The following DYNC2I1 variants were observed in gnomAD, a reference collection of about 807,000 sequenced individuals.
DYNC2I1 encodes dynein 2 intermediate chain 1.
DYNC2I1 carries 89 observed loss-of-function variants against 133.4 expected under a neutral mutation model. The ratio of observed to expected loss-of-function variants is 0.67; its 90% CI spans 0.56 to 0.80. DYNC2I1 has a LOEUF of 0.80. Ranked by LOEUF, DYNC2I1 falls within the 30% of genes least tolerant of loss-of-function variation. DYNC2I1 has a pLI of 0.00. For synonymous variants in DYNC2I1, 504 were observed against 484.3 expected (o/e 1.04, Z -0.54); for missense variants, 1,291 against 1,314.5 (o/e 0.98, Z 0.28).
chr7:158,928,138 C>T (rs944539760), intron 20 of DYNC2I1, among the ~76,000 whole-genome samples: 1 of 152,148 alleles, frequency 6.6e-6, no homozygotes, highest in African/African-American at 2.4e-5. Context: ...TGACTTGAAG[C>T]AAAGCTAATA....
rs77744628 is a variant in DYNC2I1, at chr7:158,873,405, G to A, written c.490+1843G>A. Among the ~76,000 whole-genome samples, 934 of 152,264 alleles carry A rather than the reference G, an allele frequency of 6.1e-3. 60 individuals are homozygous for A. In the East Asian group the frequency reaches 0.13, roughly 21 times the overall value. On this transcript the variant is annotated intron_variant, in intron 3 of 24. Coordinates refer to ENST00000407559, the MANE Select transcript of DYNC2I1 (RefSeq NM_018051.5). ...ACCATTAGATGTCTCTTATAGACACGGTGATCTGTTTATCCCCTTCACTGC... is the reference window on the plus strand; with the variant it reads ...ACCATTAGATGTCTCTTATAGACACAGTGATCTGTTTATCCCCTTCACTGC...
chr7:158,866,399 G>A (rs556156969), intron 1 of DYNC2I1, among the ~76,000 whole-genome samples: 5 of 151,328 alleles, frequency 3.3e-5, no homozygotes, highest in Admixed American at 6.6e-5. Flanking sequence ...TGGTGCCCAC[G>A]TTTCCTGGTT....
chr7:158,930,651 T>C (rs1174407334), intron 21 of DYNC2I1, 136 bp downstream of exon 21: 2 of 723,710 alleles, frequency 2.8e-6, no homozygotes, highest in Non-Finnish European at 4.5e-6. Flanking sequence ...TTTTACTGTT[T>C]TGTTAGTCTA....
chr7:158,939,890 T>C (rs1851161601), intron 23 of DYNC2I1, among the ~76,000 whole-genome samples: 1 of 152,152 alleles, frequency 6.6e-6, no homozygotes, highest in Admixed American at 6.5e-5. Flanking sequence ...TATATAATGA[T>C]AATGGGTGAA....
intron 20 of DYNC2I1, among the ~76,000 whole-genome samples, chr7:158,927,557 A>ATT (rs35518012): frequency 1.4e-5 from 2 of 147,690 alleles, no homozygotes. Flanking sequence ...TTCTGAATGA[A>ATT]TTTTTTTTTT....
At chr7:158,883,687 G>T (rs1233709136) in intron 5 of DYNC2I1, among the ~76,000 whole-genome samples, 1 of 123,882 alleles carries the variant, frequency 8.1e-6, no homozygotes, top group Non-Finnish European at 1.6e-5. Context: ...TTTTTGAGAC[G>T]GAGTCTTGCT....
chr7:158,911,943 C>G (rs932697215), intron 12 of DYNC2I1, among the ~76,000 whole-genome samples: 4 of 152,196 alleles, frequency 2.6e-5, no homozygotes, highest in Admixed American at 6.5e-5. Context: ...GGCTGCTGTC[C>G]TGACCTTGGA....
chr7:158,884,084 G>A (rs1394911795), intron 5 of DYNC2I1, among the ~76,000 whole-genome samples: 9 of 141,780 alleles, frequency 6.3e-5, no homozygotes, highest in East Asian at 4.1e-4. Context: ...TCGCTCTGTC[G>A]CCCAGGCTGG....
intron 14 of DYNC2I1, among the ~76,000 whole-genome samples, chr7:158,918,422 T>G (rs1455707227): frequency 6.6e-6 from 1 of 152,116 alleles, no homozygotes; most frequent in African/African-American, 2.4e-5. Context: ...TCATGACTGC[T>G]CTTTACACTG....
intron 11 of DYNC2I1, among the ~76,000 whole-genome samples, chr7:158,907,126 C>G (rs1846903212): frequency 6.6e-6 from 1 of 151,530 alleles, no homozygotes; most frequent in African/African-American, 2.4e-5. Context: ...CCACTGCACT[C>G]CAGCCTGGGT....
rs564151504 is a variant in DYNC2I1 at position 158,926,876 on chromosome 7, A to G, written c.2434-116A>G. The stretch of plus-strand genomic sequence containing the variant: ...GCTAAAGATCAGTCTCTTTTTCTGG[A>G]GCAGTTATGTTTTAGTACCTAAATA... On this transcript the variant is annotated intron_variant, in intron 19 of 24. Transcript: ENST00000407559. 43 of 717,606 alleles carry G rather than the reference A, an allele frequency of 6.0e-5. No individual in the cohort carries two copies. The African/African-American group carries it at 7.0e-4, about 12-fold the overall frequency. The allele number at this position is 717,606 out of a possible 1,614,324, so 44.5% of individuals were successfully genotyped here.
intron 8 of DYNC2I1, among the ~76,000 whole-genome samples, chr7:158,900,958 G>A (rs539602155): frequency 6.6e-6 from 1 of 151,980 alleles, no homozygotes; most frequent in African/African-American, 2.4e-5. Flanking sequence ...CTGCTTGCCT[G>A]CTATCAACTT....
chr7:158,868,461 A>G (rs1842602594), intron 1 of DYNC2I1, among the ~76,000 whole-genome samples: 1 of 152,250 alleles, frequency 6.6e-6, no homozygotes, highest in Non-Finnish European at 1.5e-5. Context: ...CCAACGAGGA[A>G]CAAACACTTT....
chr7:158,902,454 G>T lies in DYNC2I1; in HGVS notation c.1216G>T (p.Glu406Ter), dbSNP rs757925990. The T allele has an allele frequency of 3.3e-5, 53 of 1,613,922 alleles. No individual in the cohort carries two copies. In the African/African-American group the frequency reaches 6.8e-4, roughly 21 times the overall value. Residue 406 changes from glutamate (E) to a stop codon, truncating the protein, a stop_gained, in exon 10 of 25, where the codon GAA becomes TAA. Coordinates refer to ENST00000407559, the MANE Select transcript of DYNC2I1 (RefSeq NM_018051.5). LOFTEE classifies it high-confidence loss of function. ...TGAACCTGAGTCAAGAGAAAAACTG[G>T]AAGAACTTCCTCTAGCTCAAAAAAA... ...SNEPESREKL[E>*]ELPLAQKKEI...
chr7:158,842,138 C>T, the DYNC2I1 span, among the ~76,000 whole-genome samples: 1 of 152,224 alleles, frequency 6.6e-6, no homozygotes, highest in South Asian at 2.1e-4. Flanking sequence ...AAGCGATTCT[C>T]CTGCCTCAGC....
intron 14 of DYNC2I1, 60 bp from the exon 15 acceptor site, chr7:158,918,680 T>C: frequency 6.3e-7 from 1 of 1,587,400 alleles, no homozygotes; most frequent in Non-Finnish European, 8.6e-7. Flanking sequence ...GTAATTTTTT[T>C]TTGGAAAAGA....
Position 158,894,132 on chromosome 7 carries a change from A to ACCGCATATCC in DYNC2I1, c.1059+2799_1059+2800insCCGCATATCC, listed in dbSNP as rs1554455812. Among the ~76,000 whole-genome samples the ACCGCATATCC allele has an allele frequency of 2.4e-3, 363 of 151,070 alleles. 1 individual carries two copies. Among genetic ancestry groups the ACCGCATATCC allele is most frequent in the African/African-American group, 8.2e-3 (338 of 41,064 alleles). On this transcript the variant is annotated intron_variant, in intron 8 of 24. Transcript: ENST00000407559. The stretch of plus-strand genomic sequence containing the variant: ...CCTACTGCATATCCTACCGCATATC[A>ACCGCATATCC]TACCGCATATCCTACCACATATCGT...
At chr7:158,864,118 T>A (rs844523) in intron 1 of DYNC2I1, among the ~76,000 whole-genome samples, 29,522 of 79,274 alleles carry the variant, frequency 0.37, 3,570 homozygotes, top group African/African-American at 0.44. Flanking sequence ...TAGCTCCGGG[T>A]GTGGGGGGGG....
intron 1 of DYNC2I1, among the ~76,000 whole-genome samples, chr7:158,865,861 C>T (rs531668288): frequency 4.6e-5 from 7 of 152,172 alleles, no homozygotes; most frequent in African/African-American, 1.7e-4. Context: ...GCAGGGAAGT[C>T]GTAAATCACT....
Sources: gnomAD v4.1 joint callset for allele counts (sites outside exome capture counted in the v4.1 genomes callset) on GRCh38, gnomAD v4.1.1 for gene constraint, MANE v1.5 for transcripts, NCBI Gene and HGNC (gene_info 2026-07-23, HGNC 2026-07-21) for gene names.